OTULIN: variants seen among roughly 807,000 people sequenced by gnomAD.
OTULIN encodes the protein OTU deubiquitinase with linear linkage specificity.
In OTULIN, 15 loss-of-function variants were observed where a neutral mutation model predicts 39.6. The ratio of observed to expected loss-of-function variants is 0.38; its 90% CI spans 0.25 to 0.58. The LOEUF (loss-of-function observed/expected upper bound fraction) is 0.58, where lower values mean the gene tolerates loss of function less well. Ranked by LOEUF, OTULIN falls within the 20% of genes least tolerant of loss-of-function variation. The pLI is 0.66. For synonymous variants in OTULIN, 156 were observed against 170.3 expected, an observed-to-expected ratio of 0.92 and a Z score of 0.65; for missense variants, 319 against 445.9, an observed-to-expected ratio of 0.72 and a Z score of 2.56.
Position 14,678,794 on chromosome 5 carries a change from C to T in OTULIN, c.324+19C>T. ...GAAAATGGTATGACACAGAGGTGCA[C>T]ATATTTCAGGTCTTTCAAATAGTCT... On this transcript the variant is annotated intron_variant, in intron 3 of 6. Transcript: ENST00000284274. 1 of 1,506,366 alleles carries T rather than the reference C, an allele frequency of 6.6e-7. No individual in the cohort carries two copies. The highest frequency in any genetic ancestry group is 1.2e-5 in the South Asian group (1 of 80,028). 93.3% of individuals were successfully genotyped at this position (1,506,366 alleles called of 1,614,324 possible).
the OTULIN span, among the ~76,000 whole-genome samples, chr5:14,714,839 A>G: frequency 1.3e-5 from 2 of 152,230 alleles, no homozygotes; most frequent in African/African-American, 4.8e-5. Flanking sequence ...GGTGAATCAC[A>G]TACTCAGCTA....
chr5:14,681,682 T>C, intron 4 of OTULIN, 75 bp downstream of exon 4: 1 of 1,480,024 alleles, frequency 6.8e-7, no homozygotes, highest in South Asian at 1.3e-5. Flanking sequence ...TTTCTGTCCA[T>C]GCTACCTTCT....
rs1736580171 is a variant in OTULIN, at chr5:14,693,278, C to T, written c.*230C>T. On this transcript the variant is annotated 3_prime_UTR_variant, in exon 7 of 7. Coordinates refer to ENST00000284274, the MANE Select transcript of OTULIN (RefSeq NM_138348.6). ...TATTTCAGTGGGGGCCTTCAGAGCA[C>T]ACCTGTTGGACGGTGCAAACCATAT... 2.1e-6 allele frequency: 1 copy of T among 484,088 alleles called. No individual in the cohort carries two copies. Among genetic ancestry groups the T allele is most frequent in the Admixed American group, 3.5e-5 (1 of 28,930 alleles). The allele number at this position is 484,088 out of a possible 1,614,324, so 30.0% of individuals were successfully genotyped here.
downstream of OTULIN, among the ~76,000 whole-genome samples, chr5:14,700,156 A>G (rs1162465088): frequency 6.6e-6 from 1 of 152,144 alleles, no homozygotes; most frequent in Non-Finnish European, 1.5e-5. Flanking sequence ...GTCTTCTGTA[A>G]CCACTTTTGA....
intron 3 of OTULIN, among the ~76,000 whole-genome samples, 184 bp from the exon 4 acceptor site, chr5:14,681,280 A>G (rs1447313282): frequency 2.0e-5 from 3 of 151,548 alleles, no homozygotes; most frequent in African/African-American, 7.3e-5. Context: ...CACAGAGTAA[A>G]CCCTTCAAAA....
chr5:14,672,068 T>C (rs1407821885), intron 1 of OTULIN, among the ~76,000 whole-genome samples: 1 of 152,178 alleles, frequency 6.6e-6, no homozygotes, highest in Non-Finnish European at 1.5e-5. Context: ...CTCCAATCAT[T>C]GCACTCTGCA....
intron 1 of OTULIN, among the ~76,000 whole-genome samples, chr5:14,668,341 G>A (rs1389211787): frequency 2.0e-5 from 3 of 152,184 alleles, no homozygotes; most frequent in Middle Eastern, 3.2e-3. Context: ...CATTGACCCC[G>A]GATACCTCTG....
At chr5:14,709,362 G>A in the OTULIN span, 1 of 152,086 alleles carries the variant, frequency 6.6e-6, no homozygotes, top group Non-Finnish European at 1.5e-5. Flanking sequence ...AAGCAGCTAT[G>A]CAACTTAATT....
chr5:14,710,913 C>G, the OTULIN span: 2 of 418,588 alleles, frequency 4.8e-6, no homozygotes, highest in Non-Finnish European at 9.0e-6. Context: ...CAACGTCAAC[C>G]GTGAGGCAGC....
downstream of OTULIN, among the ~76,000 whole-genome samples, chr5:14,703,324 CAAAAAAAAAAAAAAAA>C (rs59779015): frequency 2.6e-3 from 321 of 122,088 alleles, 3 homozygotes; most frequent in African/African-American, 8.6e-3. Context: ...TTAATAGTGT[CAAAAAAAAAAAAAAAA>C]AAAAAAAAAA....
chr5:14,668,103 G>A (rs1204664795), intron 1 of OTULIN, among the ~76,000 whole-genome samples: 3 of 152,164 alleles, frequency 2.0e-5, no homozygotes, highest in Non-Finnish European at 4.4e-5. Flanking sequence ...TTTTATGTAT[G>A]TTTCTGGGCT....
rs766354226 is a variant in OTULIN, at chr5:14,678,801, C to T, written c.324+26C>T. On this transcript the variant is annotated intron_variant, in intron 3 of 6. Coordinates refer to ENST00000284274, the MANE Select transcript of OTULIN (RefSeq NM_138348.6). ...GTATGACACAGAGGTGCACATATTTCAGGTCTTTCAAATAGTCTATCATAA... is the reference window on the plus strand; with the variant it reads ...GTATGACACAGAGGTGCACATATTTTAGGTCTTTCAAATAGTCTATCATAA... The T allele has an allele frequency of 2.0e-6, 3 of 1,475,512 alleles. No homozygotes were observed. The Admixed American group carries it at 6.4e-5, about 31-fold the overall frequency. 91.4% of individuals were successfully genotyped at this position (1,475,512 alleles called of 1,614,324 possible).
downstream of OTULIN, among the ~76,000 whole-genome samples, chr5:14,701,571 G>C (rs1404496711): frequency 6.6e-6 from 1 of 152,192 alleles, no homozygotes; most frequent in Non-Finnish European, 1.5e-5. Flanking sequence ...GTGGGACTCA[G>C]TGTCGCTCTC....
chr5:14,711,761 C>T, the OTULIN span, among the ~76,000 whole-genome samples: 6,946 of 152,344 alleles, frequency 0.046, 263 homozygotes, highest in Non-Finnish European at 0.068. Flanking sequence ...CCGTCATTCT[C>T]TCCCACTTAC....
rs1411714166 is a variant in OTULIN at position 14,696,047 on chromosome 5, C to T, written c.*2999C>T. The T allele has an allele frequency of 1.3e-5, 2 of 151,396 alleles. No homozygotes were observed. Among genetic ancestry groups the T allele is most frequent in the Non-Finnish European group, 2.9e-5 (2 of 67,948 alleles). 9.4% of individuals were successfully genotyped at this position (151,396 alleles called of 1,614,324 possible). On this transcript the variant is annotated 3_prime_UTR_variant, in exon 7 of 7. Transcript: ENST00000284274. ...GAGCTTATCAGGTAAAAATCTCAAG[C>T]CACATGAATTGTTAACACCTCTGTT...
chr5:14,684,021 T>G (rs1162917308), intron 4 of OTULIN, among the ~76,000 whole-genome samples: 1 of 152,214 alleles, frequency 6.6e-6, no homozygotes, highest in African/African-American at 2.4e-5. Flanking sequence ...CTGACTTAAT[T>G]TGAGTAATGT....
chr5:14,704,112 A>G (rs564001265), downstream of OTULIN, among the ~76,000 whole-genome samples: 58 of 152,168 alleles, frequency 3.8e-4, no homozygotes, highest in African/African-American at 1.3e-3. Context: ...TTGGCAGATC[A>G]CAAGGTCAGG....
rs760106568 is a variant in OTULIN, at chr5:14,678,666, T to TA, written c.230-12dup. The stretch of plus-strand genomic sequence containing the variant: ...ATTTATTATTTGCTTTTTTTTTTTT[T>TA]AAATTCTTTAACAGAACCGAGATTA... On this transcript the variant is annotated splice_polypyrimidine_tract_variant and intron_variant, in intron 2 of 6. Coordinates refer to ENST00000284274, the MANE Select transcript of OTULIN (RefSeq NM_138348.6). The TA allele has an allele frequency of 2.3e-5, 35 of 1,507,894 alleles. No individual in the cohort carries two copies. Among genetic ancestry groups the TA allele is most frequent in the Admixed American group, 4.4e-5 (2 of 45,286 alleles). 93.4% of individuals were successfully genotyped at this position (1,507,894 alleles called of 1,614,324 possible).
At position 14,693,139 on chromosome 5, in the gene OTULIN, A is replaced by G; in HGVS notation, c.*91A>G. ...TGCAGGTTTGGGGGTCTCTAAGAAC[A>G]ATCTCTGAGAAGAACCCTTGGGCCC... is the stretch of plus-strand genomic sequence containing the variant. On this transcript the variant is annotated 3_prime_UTR_variant, in exon 7 of 7. Transcript: ENST00000284274. 1 of 1,267,284 alleles carries G rather than the reference A, an allele frequency of 7.9e-7. No homozygotes were observed. The highest frequency in any genetic ancestry group is 1.1e-6 in the Non-Finnish European group (1 of 923,076). 78.5% of individuals were successfully genotyped at this position (1,267,284 alleles called of 1,614,324 possible).
Sources: gnomAD v4.1 joint callset for allele counts (sites outside exome capture counted in the v4.1 genomes callset) on GRCh38, gnomAD v4.1.1 for gene constraint, MANE v1.5 for transcripts, NCBI Gene and HGNC (gene_info 2026-07-23, HGNC 2026-07-21) for gene names.